SLC35D4: variants seen among roughly 807,000 people sequenced by gnomAD.
SLC35D4 encodes solute carrier family 35 member D4.
At chr18:23,413,849 C>T in the SLC35D4 span, among the ~76,000 whole-genome samples, 10 of 151,272 alleles carry the variant, frequency 6.6e-5, no homozygotes, top group African/African-American at 1.5e-4. Flanking sequence ...GAGACTGAGG[C>T]GGGAGAAGTG....
the SLC35D4 span, among the ~76,000 whole-genome samples, chr18:23,243,468 GTTTTTTTTTTTTT>G: frequency 3.9e-5 from 4 of 101,878 alleles, no homozygotes; most frequent in Admixed American, 2.0e-4. Flanking sequence ...TGGGTTTGGT[GTTTTTTTTTTTTT>G]TTTTTTTTGG....
At chr18:23,349,737 T>C in the SLC35D4 span, among the ~76,000 whole-genome samples, 1 of 152,256 alleles carries the variant, frequency 6.6e-6, no homozygotes, top group East Asian at 1.9e-4. Context: ...TAAGTTCACT[T>C]ATTCTTTCTT....
chr18:23,240,585 C>G, the SLC35D4 span, among the ~76,000 whole-genome samples: 1 of 152,230 alleles, frequency 6.6e-6, no homozygotes, highest in Non-Finnish European at 1.5e-5. Flanking sequence ...GGCAGATTCC[C>G]TCCTGGGTGG....
the SLC35D4 span, chr18:23,365,812 CAG>C: frequency 2.3e-6 from 2 of 875,104 alleles, no homozygotes; most frequent in African/African-American, 3.4e-5. Flanking sequence ...TCCAGCTCCT[CAG>C]AGAGAGTAAG....
chr18:23,353,076 AGTGT>A, the SLC35D4 span, among the ~76,000 whole-genome samples: 3,853 of 126,544 alleles, frequency 0.03, 100 homozygotes, highest in African/African-American at 0.067. Flanking sequence ...TGAGACAGAC[AGTGT>A]GTGTGTGTGT....
chr18:23,280,858 T>C, the SLC35D4 span, among the ~76,000 whole-genome samples: 2 of 152,092 alleles, frequency 1.3e-5, no homozygotes, highest in African/African-American at 4.8e-5. Context: ...CCGTCTCCTC[T>C]TCTGGAGCTC....
chr18:23,379,125 CTTT>C, the SLC35D4 span, among the ~76,000 whole-genome samples: 8 of 139,342 alleles, frequency 5.7e-5, no homozygotes, highest in Admixed American at 7.3e-5. Flanking sequence ...CTCAAAAATT[CTTT>C]TTTTTTTTTT....
chr18:23,360,486 T>C, the SLC35D4 span, among the ~76,000 whole-genome samples: 1 of 152,200 alleles, frequency 6.6e-6, no homozygotes, highest in Non-Finnish European at 1.5e-5. Context: ...ACAACATGAA[T>C]GAATCTCTAA....
the SLC35D4 span, among the ~76,000 whole-genome samples, chr18:23,425,488 A>G: frequency 6.6e-6 from 1 of 152,204 alleles, no homozygotes; most frequent in Admixed American, 6.5e-5. Flanking sequence ...GTCATAACTG[A>G]AAGAGCATTG....
the SLC35D4 span, among the ~76,000 whole-genome samples, chr18:23,339,293 G>A: frequency 1.3e-5 from 2 of 152,182 alleles, no homozygotes; most frequent in Admixed American, 1.3e-4. Flanking sequence ...AAGAGAAGGT[G>A]GAATTTGGAG....
chr18:23,392,100 G>T, the SLC35D4 span, among the ~76,000 whole-genome samples: 5 of 151,950 alleles, frequency 3.3e-5, no homozygotes, highest in Non-Finnish European at 7.4e-5. Flanking sequence ...ACCATACCCG[G>T]CTAATTTTTG....
chr18:23,426,013 A>G, the SLC35D4 span, among the ~76,000 whole-genome samples: 1 of 152,238 alleles, frequency 6.6e-6, no homozygotes, highest in Non-Finnish European at 1.5e-5. Flanking sequence ...GAAGGATTAT[A>G]GAATAAATGA....
chr18:23,291,187 G>A, the SLC35D4 span, among the ~76,000 whole-genome samples: 1 of 152,154 alleles, frequency 6.6e-6, no homozygotes, highest in African/African-American at 2.4e-5. Flanking sequence ...ACAGCGTCTG[G>A]GCTGAGGTCA....
chr18:23,365,782 A>G, the SLC35D4 span: 3 of 1,144,746 alleles, frequency 2.6e-6, no homozygotes, highest in South Asian at 4.4e-5. Flanking sequence ...AATTATCTGC[A>G]CTGACTCACT....
At chr18:23,320,614 T>C in the SLC35D4 span, among the ~76,000 whole-genome samples, 1 of 152,200 alleles carries the variant, frequency 6.6e-6, no homozygotes, top group African/African-American at 2.4e-5. Flanking sequence ...CAGGAAGCAT[T>C]CCCCTTTCCC....
chr18:23,296,103 G>A, the SLC35D4 span: 1 of 152,078 alleles, frequency 6.6e-6, no homozygotes, highest in Admixed American at 6.6e-5. Flanking sequence ...GGGGATGGAG[G>A]GCTAGGGGAG....
At chr18:23,396,206 G>A in the SLC35D4 span, among the ~76,000 whole-genome samples, 12 of 152,184 alleles carry the variant, frequency 7.9e-5, no homozygotes, top group Admixed American at 7.9e-4. Flanking sequence ...CAGATCAGGA[G>A]AACAGAACTT....
chr18:23,240,165 C>G, the SLC35D4 span, among the ~76,000 whole-genome samples: 4 of 152,068 alleles, frequency 2.6e-5, no homozygotes, highest in South Asian at 8.3e-4. Context: ...AAGGGTTGGA[C>G]GTGGGCCCCA....
chr18:23,277,711 G>A, the SLC35D4 span, among the ~76,000 whole-genome samples: 1 of 152,208 alleles, frequency 6.6e-6, no homozygotes. Context: ...GGTAACTAGG[G>A]ATTTCTAGCC....
Sources: allele counts gnomAD v4.1 joint callset (sites outside exome capture counted in the v4.1 genomes callset), GRCh38; gene constraint gnomAD v4.1.1; transcripts MANE v1.5; gene names NCBI Gene and HGNC (gene_info 2026-07-23, HGNC 2026-07-21).